Variants in RFX3 observed in about 807,000 individuals in gnomAD.
The protein encoded by RFX3 is regulatory factor X3.
RFX3 carries 14 observed loss-of-function variants against 98.6 expected under a neutral mutation model. That is an observed-to-expected ratio of 0.14 (90% CI 0.09 to 0.22). The LOEUF is 0.22. Ranked by LOEUF, RFX3 falls within the 10% of genes least tolerant of loss-of-function variation. The pLI, the probability that RFX3 is intolerant of heterozygous loss-of-function variation, is 1.00. For synonymous variants in RFX3, 383 were observed against 328.4 expected (o/e 1.17, Z -1.80); for missense variants, 639 against 926.9 (o/e 0.69, Z 4.03).
chr9:3,443,584 T>A (rs1845787128), intron 1 of RFX3, among the ~76,000 whole-genome samples: 1 of 152,230 alleles, frequency 6.6e-6, no homozygotes, highest in African/African-American at 2.4e-5. Flanking sequence ...ATGCACCACA[T>A]TTTCTTTATC....
chr9:3,444,335 T>C (rs1316247651), intron 1 of RFX3, among the ~76,000 whole-genome samples: 1 of 152,118 alleles, frequency 6.6e-6, no homozygotes, highest in African/African-American at 2.4e-5. Context: ...TGTATTATTT[T>C]ATTATTATAA....
intron 4 of RFX3, among the ~76,000 whole-genome samples, chr9:3,305,874 C>T (rs1419577444): frequency 6.6e-6 from 1 of 151,994 alleles, no homozygotes; most frequent in Non-Finnish European, 1.5e-5. Flanking sequence ...ATTTGTTCAA[C>T]CTTCTGAGAG....
chr9:3,391,834 G>C (rs550201161), intron 2 of RFX3, among the ~76,000 whole-genome samples: 3 of 152,110 alleles, frequency 2.0e-5, no homozygotes, highest in Non-Finnish European at 4.4e-5. Flanking sequence ...ACGCAGTAAG[G>C]TAACTGGCTT....
Position 3,292,785 on chromosome 9 carries a change from C to T in RFX3, c.731+292G>A, listed in dbSNP as rs899728490. ...ATGTGTTTGTGTGTGTTTTAAAGCACCATATGCAAATCTTGCATTAACAGG... is the reference window on the plus strand; with the variant it reads ...ATGTGTTTGTGTGTGTTTTAAAGCATCATATGCAAATCTTGCATTAACAGG... On this transcript the variant is annotated intron_variant, in intron 6 of 16. Coordinates refer to ENST00000617270, the MANE Select transcript of RFX3 (RefSeq NM_001282116.2). Among the ~76,000 whole-genome samples the T allele has an allele frequency of 2.0e-5, 3 of 151,960 alleles. No homozygotes were observed. In the South Asian group the frequency reaches 6.2e-4, roughly 32 times the overall value.
intron 3 of RFX3, among the ~76,000 whole-genome samples, chr9:3,331,937 T>C (rs1832649421): frequency 6.6e-6 from 1 of 152,168 alleles, no homozygotes; most frequent in Admixed American, 6.5e-5. Context: ...TGGGAGGCTG[T>C]GTAAAATTTA....
intron 1 of RFX3, among the ~76,000 whole-genome samples, chr9:3,456,424 C>CT (rs1160189017): frequency 6.6e-6 from 1 of 152,104 alleles, no homozygotes; most frequent in Non-Finnish European, 1.5e-5. Flanking sequence ...GATGGCTAAG[C>CT]TTTTTTCAAT....
At chr9:3,424,413 G>C (rs142545170) in intron 1 of RFX3, among the ~76,000 whole-genome samples, 23,076 of 132,718 alleles carry the variant, frequency 0.17, 2,710 homozygotes, top group African/African-American at 0.36. Flanking sequence ...CCAGGCTGGA[G>C]TGCAGTGGCG....
intron 1 of RFX3, among the ~76,000 whole-genome samples, chr9:3,423,996 A>T (rs1225463783): frequency 2.6e-5 from 4 of 151,416 alleles, no homozygotes; most frequent in Admixed American, 2.6e-4. Flanking sequence ...AAATACAAAA[A>T]ATTAGCCGGG....
In RFX3 at chr9:3,486,562, T is replaced by G. The variant is rs146746676; in HGVS notation, c.-9+39185A>C. On this transcript the variant is annotated intron_variant, in intron 1 of 16. Coordinates refer to ENST00000617270, the MANE Select transcript of RFX3 (RefSeq NM_001282116.2). Reference sequence around the variant, plus strand: ...ACTGCTTTATGTCCAGAATAAGCTATGGACAAAATAATGAAACTTTATTAG... The same window carrying G: ...ACTGCTTTATGTCCAGAATAAGCTAGGGACAAAATAATGAAACTTTATTAG... Among the ~76,000 whole-genome samples the G allele has an allele frequency of 2.6e-4, 39 of 152,308 alleles. 2 individuals are homozygous for G. In the East Asian group the frequency reaches 7.5e-3, roughly 29 times the overall value.
intron 1 of RFX3, among the ~76,000 whole-genome samples, chr9:3,412,778 A>C (rs1564066782): frequency 6.6e-6 from 1 of 152,148 alleles, no homozygotes; most frequent in Non-Finnish European, 1.5e-5. Context: ...GACCAGAAAA[A>C]AACTGCAAAT....
chr9:3,414,680 G>A (rs1012704097), intron 1 of RFX3, among the ~76,000 whole-genome samples: 2 of 125,166 alleles, frequency 1.6e-5, no homozygotes, highest in East Asian at 2.1e-4. Context: ...ATGTATATAT[G>A]AGTATATATG....
chr9:3,267,721 A>T (rs1164110268), intron 11 of RFX3, among the ~76,000 whole-genome samples: 1 of 151,916 alleles, frequency 6.6e-6, no homozygotes, highest in Non-Finnish European at 1.5e-5. Flanking sequence ...TGTTAGTCAA[A>T]AAAAGAAAAA....
chr9:3,366,703 TTTCTTTCTTTC>T lies in RFX3; in HGVS notation c.118-19950_118-19940del, dbSNP rs913077674. ...CTTTCTTCTTTCTTTCCTTTCTTTC[TTTCTTTCTTTC>T]TTTCTTTCTTTCTTTCTTTCTTTCT... On this transcript the variant is annotated intron_variant, in intron 2 of 16. Coordinates refer to ENST00000617270, the MANE Select transcript of RFX3 (RefSeq NM_001282116.2). Among the ~76,000 whole-genome samples, 12 of 118,280 alleles carry T rather than the reference TTTCTTTCTTTC, an allele frequency of 1.0e-4. No individual in the cohort carries two copies. In the South Asian group the frequency reaches 1.1e-3, roughly 11 times the overall value. 77.6% of individuals were successfully genotyped at this position (118,280 alleles called of 152,430 possible).
At chr9:3,252,005 C>T (rs942648976) in intron 14 of RFX3, among the ~76,000 whole-genome samples, 19 of 152,066 alleles carry the variant, frequency 1.2e-4, no homozygotes, top group African/African-American at 4.1e-4. Flanking sequence ...TGCGCCACCA[C>T]GCCTGGCTAA....
rs1005991225 is a variant in RFX3, at chr9:3,223,086, T to C, written c.*1956A>G. 1.0e-4 allele frequency: 15 copies of C among 147,410 alleles called. No individual in the cohort carries two copies. The highest frequency in any genetic ancestry group is 2.0e-4 in the Non-Finnish European group (13 of 66,476). 9.1% of individuals were successfully genotyped at this position (147,410 alleles called of 1,614,324 possible). On this transcript the variant is annotated 3_prime_UTR_variant, in exon 17 of 17. Coordinates refer to ENST00000617270, the MANE Select transcript of RFX3 (RefSeq NM_001282116.2). Reference sequence around the variant, plus strand: ...CAACCCCCCACCCCCCTTACCCCAATACCACTGGAAAGATAAACATCTTGG... The same window carrying C: ...CAACCCCCCACCCCCCTTACCCCAACACCACTGGAAAGATAAACATCTTGG...
Position 3,460,154 on chromosome 9 carries a change from A to T in RFX3, c.-8-64558T>A, listed in dbSNP as rs149605654. ...AACCCAGCTTAGATATGAATACACA[A>T]ATTCATCAGCTTTATTGTAGGGAAT... is the stretch of plus-strand genomic sequence containing the variant. On this transcript the variant is annotated intron_variant, in intron 1 of 16. Transcript: ENST00000617270. Among the ~76,000 whole-genome samples, 29 of 152,172 alleles carry T rather than the reference A, an allele frequency of 1.9e-4. 1 individual carries two copies. In the East Asian group the frequency reaches 5.2e-3, roughly 27 times the overall value.
In RFX3 at chr9:3,219,247, T is replaced by A. The variant is rs1427135582; in HGVS notation, c.*5795A>T. 6.6e-6 allele frequency: 1 copy of A among 152,310 alleles called. No individual in the cohort carries two copies. Among genetic ancestry groups the A allele is most frequent in the Admixed American group, 6.5e-5 (1 of 15,296 alleles). 9.4% of individuals were successfully genotyped at this position (152,310 alleles called of 1,614,324 possible). A position where few individuals can be genotyped will look rare whatever the true frequency, so the allele number is the denominator to read the frequency against. On this transcript the variant is annotated 3_prime_UTR_variant, in exon 17 of 17. Transcript: ENST00000617270. ...TGTTTAGCAAGTTAAAACAAGGCGA[T>A]CGTTTCTTCAAAAATACTAATTTAC...
At chr9:3,286,811 AAT>A (rs1826670064) in intron 7 of RFX3, among the ~76,000 whole-genome samples, 1 of 151,862 alleles carries the variant, frequency 6.6e-6, no homozygotes, top group Non-Finnish European at 1.5e-5. Context: ...AGCCTCAATA[AAT>A]ATGTCATGGA....
At chr9:3,338,345 C>T (rs953569174) in intron 3 of RFX3, among the ~76,000 whole-genome samples, 1 of 152,134 alleles carries the variant, frequency 6.6e-6, no homozygotes, top group African/African-American at 2.4e-5. Context: ...GGAGGAAATG[C>T]AAGAATAAAT....
Sources: allele counts gnomAD v4.1 joint callset (sites outside exome capture counted in the v4.1 genomes callset), GRCh38; gene constraint gnomAD v4.1.1; transcripts MANE v1.5; gene names NCBI Gene and HGNC (gene_info 2026-07-23, HGNC 2026-07-21).